SEMA6A: variants seen among roughly 807,000 people sequenced by gnomAD.
SEMA6A encodes the protein semaphorin 6A, also known as semaphorin-6A.
In SEMA6A, 25 loss-of-function variants were observed where a neutral mutation model predicts 96.8. The observed-to-expected ratio is 0.26, with a 90% confidence interval of 0.19 to 0.36. The LOEUF is 0.36. Among genes scored for constraint, SEMA6A ranks in the 10% least tolerant of loss-of-function variants. SEMA6A has a pLI of 1.00. For missense variants in SEMA6A, 1,363 were observed against 1,323.1 expected, an observed-to-expected ratio of 1.03 and a Z score of -0.47; for synonymous variants, 612 against 518.0, an observed-to-expected ratio of 1.18 and a Z score of -2.46.
At chr5:116,572,444 C>T (rs910389828) in intron 1 of SEMA6A, among the ~76,000 whole-genome samples, 1 of 152,220 alleles carries the variant, frequency 6.6e-6, no homozygotes, top group Non-Finnish European at 1.5e-5. Context: ...GAAGTGCTTG[C>T]CCCGGCTGTG....
rs185361980 is a variant in SEMA6A, at chr5:116,505,826, C to T, written c.-38-844G>A. On this transcript the variant is annotated intron_variant, in intron 1 of 18. Transcript: ENST00000343348. The stretch of plus-strand genomic sequence containing the variant: ...GAAGCTCTTTATGTGCAGAAAAATT[C>T]TCCTAAATCTTGGAAATAAAAACAA... Among the ~76,000 whole-genome samples the T allele has an allele frequency of 3.4e-3, 518 of 151,348 alleles. 2 individuals carry two copies. The highest frequency in any genetic ancestry group is 5.0e-3 in the Non-Finnish European group (339 of 67,904).
At chr5:116,457,435 G>A (rs761502079) in intron 18 of SEMA6A, among the ~76,000 whole-genome samples, 1 of 152,066 alleles carries the variant, frequency 6.6e-6, no homozygotes, top group Non-Finnish European at 1.5e-5. Flanking sequence ...CATAATGACT[G>A]CCTCTGATTT....
At chr5:116,478,334 A>C (rs1756571769) in intron 13 of SEMA6A, 180 bp from the exon 14 acceptor site, 1 of 765,230 alleles carries the variant, frequency 1.3e-6, no homozygotes, top group African/African-American at 1.8e-5. Flanking sequence ...CTATATAAAC[A>C]CACACACATA....
intron 13 of SEMA6A, 42 bp from the exon 14 acceptor site, chr5:116,478,196 T>C: frequency 6.3e-7 from 1 of 1,599,008 alleles, no homozygotes; most frequent in South Asian, 1.1e-5. Flanking sequence ...TAGACTCTTC[T>C]CTTTTTCTCG....
At chr5:116,552,706 T>C (rs1465812155) in intron 1 of SEMA6A, among the ~76,000 whole-genome samples, 1 of 152,204 alleles carries the variant, frequency 6.6e-6, no homozygotes, top group Admixed American at 6.5e-5. Flanking sequence ...AAGGGACAGC[T>C]ATGGAAAAGC....
intron 13 of SEMA6A, 179 bp downstream of exon 13, chr5:116,478,359 AACAC>A (rs151262590): frequency 1.1e-4 from 82 of 760,098 alleles, no homozygotes; most frequent in South Asian, 4.6e-4. Context: ...TATCTATATA[AACAC>A]ACACACACAC....
chr5:116,555,417 G>A (rs254078), intron 1 of SEMA6A, among the ~76,000 whole-genome samples: 1 of 152,046 alleles, frequency 6.6e-6, no homozygotes, highest in African/African-American at 2.4e-5. Flanking sequence ...TGAAAGACAA[G>A]TGTTTAAACC....
chr5:116,475,423 C>T lies in SEMA6A; in HGVS notation c.1708+122G>A, dbSNP rs987875365. ...TTGTTTGGTATTTAGAAGATGATTT[C>T]CGTCATTTACGCATGCTTTAGTGTC... On this transcript the variant is annotated intron_variant, in intron 16 of 18. Coordinates refer to ENST00000343348, the MANE Select transcript of SEMA6A (RefSeq NM_020796.5). The T allele has an allele frequency of 2.1e-5, 12 of 582,322 alleles. No homozygotes were observed. In the South Asian group the frequency reaches 3.4e-4, roughly 16 times the overall value. The allele number at this position is 582,322 out of a possible 1,614,324, so 36.1% of individuals were successfully genotyped here. A position where few individuals can be genotyped will look rare whatever the true frequency, so the allele number is the denominator to read the frequency against.
At chr5:116,482,633 G>A in intron 10 of SEMA6A, 58 bp from the exon 11 acceptor site, 1 of 1,579,654 alleles carries the variant, frequency 6.3e-7, no homozygotes. Flanking sequence ...CATGTGGTTT[G>A]GAACATACTC....
At chr5:116,547,158 C>T (rs1760221253) in intron 1 of SEMA6A, among the ~76,000 whole-genome samples, 2 of 152,232 alleles carry the variant, frequency 1.3e-5, no homozygotes, top group South Asian at 2.1e-4. Context: ...TTAGCCTCAA[C>T]AAAATTTATC....
At chr5:116,478,929 AGTGTGTGTGTGTGTGTGTGTGTGT>A (rs34260068) in intron 12 of SEMA6A, among the ~76,000 whole-genome samples, 1 of 149,248 alleles carries the variant, frequency 6.7e-6, no homozygotes, top group Admixed American at 6.7e-5. Flanking sequence ...GGTGTGAGAG[AGTGTGTGTGTGTGTGTGTGTGTGT>A]GTGTGTGTGT....
chr5:116,478,522 G>T lies in SEMA6A; in HGVS notation c.1427+20C>A, dbSNP rs1230166487. 6.3e-7 allele frequency: 1 copy of T among 1,586,488 alleles called. No individual in the cohort carries two copies. The highest frequency in any genetic ancestry group is 8.6e-7 in the Non-Finnish European group (1 of 1,166,010). ...AGCATAACAAATAATTACTAAGAAA[G>T]AACCAAATATTCCACTTACTTTTCA... is the stretch of plus-strand genomic sequence containing the variant. On this transcript the variant is annotated intron_variant, in intron 13 of 18. Coordinates refer to ENST00000343348, the MANE Select transcript of SEMA6A (RefSeq NM_020796.5).
chr5:116,457,388 G>A (rs1468656150), intron 18 of SEMA6A, among the ~76,000 whole-genome samples: 2 of 152,074 alleles, frequency 1.3e-5, no homozygotes. Flanking sequence ...ATTGTCAGTG[G>A]TTGACTATAC....
At chr5:116,461,874 T>C (rs1314213511) in intron 18 of SEMA6A, among the ~76,000 whole-genome samples, 1 of 152,158 alleles carries the variant, frequency 6.6e-6, no homozygotes, top group Non-Finnish European at 1.5e-5. Context: ...TCTTACTCTT[T>C]ATTGGCATCC....
At chr5:116,550,581 C>T (rs140990395) in intron 1 of SEMA6A, 2 of 152,254 alleles carry the variant, frequency 1.3e-5, no homozygotes, top group African/African-American at 4.8e-5. Flanking sequence ...AAGGATCTGT[C>T]AGCATGTGCC....
intron 1 of SEMA6A, 66 bp downstream of exon 1, chr5:116,574,119 C>T (rs1247352543): frequency 1.3e-5 from 2 of 152,336 alleles, no homozygotes; most frequent in Admixed American, 1.3e-4. Flanking sequence ...AGCCACGGCC[C>T]CGGGACCCTC....
chr5:116,447,492 C>A lies in SEMA6A; in HGVS notation c.2214G>T (p.Thr738=), dbSNP rs761077573. 15 of 1,613,938 alleles carry A rather than the reference C, an allele frequency of 9.3e-6. No individual in the cohort carries two copies. Among genetic ancestry groups the A allele is most frequent in the Middle Eastern group, 1.6e-4 (1 of 6,084 alleles). ...HNGKLATPGN[T]AKMLIKADQH... ...GGTCTGCTTTAATGAGCATCTTGGC[C>A]GTGTTGCCGGGAGTGGCGAGCTTGC... is the stretch of plus-strand genomic sequence containing the variant. Residue 738 remains threonine (T), a synonymous_variant, in exon 19 of 19, where the codon ACG becomes ACT. Transcript: ENST00000343348.
rs187782425 is a variant in SEMA6A, at chr5:116,496,026, G to A, written c.342+225C>T. 39 of 472,900 alleles carry A rather than the reference G, an allele frequency of 8.2e-5. No homozygotes were observed. In the Admixed American group the frequency reaches 8.3e-4, roughly 10 times the overall value. The allele number at this position is 472,900 out of a possible 1,614,324, so 29.3% of individuals were successfully genotyped here. Reference sequence around the variant, plus strand: ...GCTTTGTGTCCATAATCCTGTGTGCGCCTAAGTAGTTCATGATGCAGGCCT... The same window carrying A: ...GCTTTGTGTCCATAATCCTGTGTGCACCTAAGTAGTTCATGATGCAGGCCT... On this transcript the variant is annotated intron_variant, in intron 5 of 18. Coordinates refer to ENST00000343348, the MANE Select transcript of SEMA6A (RefSeq NM_020796.5).
In SEMA6A at chr5:116,478,650, A is replaced by C; in HGVS notation, c.1319T>G (p.Leu440Arg). The C allele has an allele frequency of 6.2e-7, 1 of 1,613,798 alleles. No homozygotes were observed. Among genetic ancestry groups the C allele is most frequent in the Non-Finnish European group, 8.5e-7 (1 of 1,179,828 alleles). Residue 440 changes from leucine (L) to arginine (R), a missense_variant, in exon 13 of 19, where the codon CTG becomes CGG. By Grantham distance (102) the Leu-to-Arg change is moderately radical. This residue lies in a region of SEMA6A where 480 missense variants were observed against 559.5 expected (regional missense o/e 0.86). Transcript: ENST00000343348. ...GPYQNHTVVF[L>R]GSEKGIILKF... is the part of the protein sequence containing the mutation. Reference sequence around the variant, plus strand: ...CAAGATGATTCCCTTCTCTGATCCCAGAAAAACCACAGTGTGATTCTGATA... The same window carrying C: ...CAAGATGATTCCCTTCTCTGATCCCCGAAAAACCACAGTGTGATTCTGATA...
Sources: allele counts gnomAD v4.1 joint callset (sites outside exome capture counted in the v4.1 genomes callset), GRCh38; gene constraint gnomAD v4.1.1; regional missense constraint gnomAD v4.1.1; transcripts MANE v1.5; gene names NCBI Gene and HGNC (gene_info 2026-07-23, HGNC 2026-07-21).